The following ADGRL2 variants were observed in gnomAD, a reference collection of about 807,000 sequenced individuals.
ADGRL2 encodes the protein calcium-independent alpha-latrotoxin receptor 2.
A neutral mutation model predicts 157.4 loss-of-function variants in ADGRL2; 44 were observed. The observed-to-expected ratio is 0.28, with a 90% CI of 0.22 to 0.36. The LOEUF (loss-of-function observed/expected upper bound fraction) is 0.36, where lower values mean the gene tolerates loss of function less well. ADGRL2 is among the 10% of genes least tolerant of loss of function. The pLI is 1.00. For synonymous variants in ADGRL2, 585 were observed against 624.7 expected, an observed-to-expected ratio of 0.94 and a Z score of 0.95; for missense variants, 1,510 against 1,768.9, an observed-to-expected ratio of 0.85 and a Z score of 2.63.
rs2093736293 is a variant in ADGRL2, at chr1:81,872,892, A to G, written c.74-34125A>G. ...GTTTGTTGTGTGCAAAAATAAGTAAAGTTAAATATGAATATCAGAAGCACT... is the reference window on the plus strand; with the variant it reads ...GTTTGTTGTGTGCAAAAATAAGTAAGGTTAAATATGAATATCAGAAGCACT... On this transcript the variant is annotated intron_variant, in intron 2 of 23. Transcript: ENST00000686636. Among the ~76,000 whole-genome samples, 3 of 152,140 alleles carry G rather than the reference A, an allele frequency of 2.0e-5. No individual in the cohort carries two copies. In the South Asian group the frequency reaches 6.2e-4, roughly 31 times the overall value.
chr1:81,849,073 T>C (rs139216719), intron 2 of ADGRL2, among the ~76,000 whole-genome samples: 4 of 152,076 alleles, frequency 2.6e-5, no homozygotes, highest in African/African-American at 7.2e-5. Flanking sequence ...GCTCTTACTT[T>C]TGTTGCATTA....
chr1:81,687,106 A>T (rs901850933), intron 3 of ADGRL2, among the ~76,000 whole-genome samples: 1 of 152,036 alleles, frequency 6.6e-6, no homozygotes, highest in African/African-American at 2.4e-5. Context: ...ATGTGTGTGT[A>T]TTCTGTTGTT....
intron 2 of ADGRL2, among the ~76,000 whole-genome samples, chr1:81,458,328 T>C (rs1380184790): frequency 6.6e-6 from 1 of 152,242 alleles, no homozygotes. Context: ...GGCATAGCTT[T>C]AGAATTTATT....
intron 2 of ADGRL2, among the ~76,000 whole-genome samples, chr1:81,499,901 T>C (rs1031868857): frequency 2.0e-5 from 3 of 152,280 alleles, no homozygotes; most frequent in African/African-American, 7.2e-5. Flanking sequence ...TGTACATATG[T>C]GTATACACAT....
At chr1:81,849,539 A>G (rs1433599356) in intron 2 of ADGRL2, among the ~76,000 whole-genome samples, 2 of 151,944 alleles carry the variant, frequency 1.3e-5, no homozygotes, top group Admixed American at 1.3e-4. Context: ...CTTTTGTTCA[A>G]CTGATTAGAC....
chr1:81,342,033 G>A (rs1570668656), intron 1 of ADGRL2, among the ~76,000 whole-genome samples: 1 of 152,204 alleles, frequency 6.6e-6, no homozygotes, highest in South Asian at 2.1e-4. Context: ...TCTGTGAGTG[G>A]AACTAGACTT....
intron 2 of ADGRL2, among the ~76,000 whole-genome samples, chr1:81,511,638 A>G (rs968390773): frequency 2.0e-5 from 3 of 152,084 alleles, no homozygotes; most frequent in Non-Finnish European, 4.4e-5. Context: ...CACTTTTTTC[A>G]TCAGAGTTTG....
At chr1:81,730,207 C>T (rs1422070521) in intron 1 of ADGRL2, among the ~76,000 whole-genome samples, 1 of 152,080 alleles carries the variant, frequency 6.6e-6, no homozygotes, top group African/African-American at 2.4e-5. Flanking sequence ...ATACAATGGC[C>T]AACACCAGGC....
chr1:81,658,242 C>G (rs776728398), intron 3 of ADGRL2, among the ~76,000 whole-genome samples: 1 of 152,022 alleles, frequency 6.6e-6, no homozygotes, highest in Non-Finnish European at 1.5e-5. Flanking sequence ...ATTATAGGCA[C>G]GTGCCACCGC....
intron 3 of ADGRL2, among the ~76,000 whole-genome samples, chr1:81,624,487 C>T (rs1185436627): frequency 2.6e-5 from 4 of 152,186 alleles, no homozygotes; most frequent in South Asian, 4.1e-4. Context: ...GAGGCTGAGG[C>T]ATGAGAATCA....
chr1:81,584,557 A>G (rs957953179), intron 3 of ADGRL2, among the ~76,000 whole-genome samples: 22 of 152,264 alleles, frequency 1.4e-4, no homozygotes, highest in South Asian at 6.2e-4. Context: ...TGTAAGATGT[A>G]ACAGAATGTT....
intron 3 of ADGRL2, among the ~76,000 whole-genome samples, chr1:81,665,473 C>A (rs1345258035): frequency 1.3e-5 from 2 of 151,908 alleles, no homozygotes; most frequent in Non-Finnish European, 2.9e-5. Flanking sequence ...ATTACTAATC[C>A]CAACTCCAAT....
chr1:81,534,868 A>G (rs2079695342), intron 2 of ADGRL2, among the ~76,000 whole-genome samples: 1 of 152,228 alleles, frequency 6.6e-6, no homozygotes, highest in Non-Finnish European at 1.5e-5. Flanking sequence ...TTCAAAGGTT[A>G]CAGAATCAAA....
intron 2 of ADGRL2, among the ~76,000 whole-genome samples, chr1:81,516,134 T>C (rs971673313): frequency 2.0e-5 from 3 of 152,240 alleles, no homozygotes; most frequent in Admixed American, 1.3e-4. Context: ...CCAGTGTGAA[T>C]AATTTTTTCC....
At chr1:81,432,157 C>A (rs1481032815) in intron 1 of ADGRL2, among the ~76,000 whole-genome samples, 1 of 152,156 alleles carries the variant, frequency 6.6e-6, no homozygotes, top group African/African-American at 2.4e-5. Flanking sequence ...ATTTGAAATT[C>A]CTCTGGGAAA....
intron 1 of ADGRL2, among the ~76,000 whole-genome samples, chr1:81,704,393 G>C (rs1431020429): frequency 6.6e-6 from 1 of 152,182 alleles, no homozygotes; most frequent in Non-Finnish European, 1.5e-5. Flanking sequence ...AGTGGACACA[G>C]GGCATCCCCT....
intron 2 of ADGRL2, among the ~76,000 whole-genome samples, chr1:81,463,114 CAAA>C (rs56920139): frequency 0.048 from 4,533 of 93,708 alleles, 51 homozygotes; most frequent in Middle Eastern, 0.095. Context: ...GACCATGTCT[CAAA>C]AAAAAAAAAA....
intron 1 of ADGRL2, among the ~76,000 whole-genome samples, chr1:81,428,508 A>T (rs570427494): frequency 1.3e-4 from 20 of 152,304 alleles, no homozygotes; most frequent in Non-Finnish European, 2.6e-4. Context: ...ATGCAAACGC[A>T]TGGGAGTCAT....
At chr1:81,623,972 A>G (rs2081854821) in intron 3 of ADGRL2, among the ~76,000 whole-genome samples, 2 of 151,996 alleles carry the variant, frequency 1.3e-5, no homozygotes, top group African/African-American at 4.8e-5. Context: ...TCTTCCTAAG[A>G]TTTGGAGACA....
Sources: allele counts gnomAD v4.1 joint callset (sites outside exome capture counted in the v4.1 genomes callset), GRCh38; gene constraint gnomAD v4.1.1; transcripts MANE v1.5; gene names NCBI Gene and HGNC (gene_info 2026-07-23, HGNC 2026-07-21).